The following SPATC1L variants were observed in gnomAD, a reference collection of about 807,000 sequenced individuals.
SPATC1L encodes the protein speriolin-like protein.
A neutral mutation model predicts 21.2 loss-of-function variants in SPATC1L; 20 were observed. The ratio of observed to expected loss-of-function variants is 0.94; its 90% confidence interval spans 0.66 to 1.37. SPATC1L has a LOEUF of 1.37. Ranked by LOEUF, SPATC1L falls within the 40% of genes most tolerant of loss-of-function variation. The probability of loss-of-function intolerance (pLI) is 0.00; values close to 1 mark genes in which losing one functional copy is unlikely to be tolerated. For synonymous variants in SPATC1L, 290 were observed against 234.5 expected (o/e 1.24, Z -2.16); for missense variants, 499 against 478.7 (o/e 1.04, Z -0.40).
rs374206278 is a variant in SPATC1L, at chr21:46,182,407, A to G, written c.193+217T>C. On this transcript the variant is annotated intron_variant, in intron 2 of 4. Coordinates refer to ENST00000291672, the MANE Select transcript of SPATC1L (RefSeq NM_001142854.2). ...CCAGTCCACCTGCCAGCGGTTGACC[A>G]CTCCCACTTCGCCAGCGACCGAAGG... Among the ~76,000 whole-genome samples the G allele has an allele frequency of 4.6e-5, 7 of 151,954 alleles. No homozygotes were observed. The East Asian group carries it at 1.2e-3, about 25-fold the overall frequency.
In SPATC1L at chr21:46,182,931, G is replaced by C; in HGVS notation, c.-115C>G. 1 of 1,055,868 alleles carries C rather than the reference G, an allele frequency of 9.5e-7. No individual in the cohort carries two copies. The highest frequency in any genetic ancestry group is 1.3e-6 in the Non-Finnish European group (1 of 759,934). 65.4% of individuals were successfully genotyped at this position (1,055,868 alleles called of 1,614,324 possible). Reference sequence around the variant, plus strand: ...GGCACGGAGTTCCGTAGCCACCACCGCCTTCCACGCCTTGTGATGTCACTG... The same window carrying C: ...GGCACGGAGTTCCGTAGCCACCACCCCCTTCCACGCCTTGTGATGTCACTG... On this transcript the variant is annotated 5_prime_UTR_variant, in exon 2 of 5. Coordinates refer to ENST00000291672, the MANE Select transcript of SPATC1L (RefSeq NM_001142854.2).
intron 2 of SPATC1L, among the ~76,000 whole-genome samples, chr21:46,176,722 G>A (rs1218264639): frequency 6.6e-6 from 1 of 152,142 alleles, no homozygotes; most frequent in East Asian, 1.9e-4. Context: ...ATTTTATAGA[G>A]TCAATGCTGT....
intron 2 of SPATC1L, among the ~76,000 whole-genome samples, chr21:46,168,907 C>A (rs754961575): frequency 4.6e-5 from 7 of 152,206 alleles, no homozygotes; most frequent in African/African-American, 1.7e-4. Context: ...GCACAGCAAG[C>A]GGGCAGGCCT....
At chr21:46,177,988 C>T (rs2079644254) in intron 2 of SPATC1L, among the ~76,000 whole-genome samples, 1 of 152,126 alleles carries the variant, frequency 6.6e-6, no homozygotes, top group Non-Finnish European at 1.5e-5. Flanking sequence ...AATCCCAGTA[C>T]TTTGGGAGGC....
chr21:46,173,359 G>C (rs918693956), intron 2 of SPATC1L, among the ~76,000 whole-genome samples: 1 of 152,070 alleles, frequency 6.6e-6, no homozygotes. Context: ...CAGCCCCGAC[G>C]GCCACACACC....
At chr21:46,168,162 A>G in intron 3 of SPATC1L, 146 bp downstream of exon 3, 1 of 526,038 alleles carries the variant, frequency 1.9e-6, no homozygotes, top group Non-Finnish European at 3.4e-6. Flanking sequence ...ACAGCCTTGG[A>G]CCCCAGCCTC....
intron 2 of SPATC1L, 25 bp downstream of exon 2, chr21:46,182,587 TCATCTACCAGGC>T: frequency 7.0e-7 from 1 of 1,427,094 alleles, no homozygotes; most frequent in Non-Finnish European, 9.1e-7. Flanking sequence ...CGCGACCCCC[TCATCTACCAGGC>T]CATCTGAGCT....
At chr21:46,172,040 GCA>G (rs1364346699) in intron 2 of SPATC1L, among the ~76,000 whole-genome samples, 1 of 97,310 alleles carries the variant, frequency 1.0e-5, no homozygotes, top group African/African-American at 3.3e-5. Flanking sequence ...GCAGGAGTGT[GCA>G]CAGAGCATGA....
At chr21:46,167,110 A>T (rs2079546652) in intron 3 of SPATC1L, among the ~76,000 whole-genome samples, 1 of 152,256 alleles carries the variant, frequency 6.6e-6, no homozygotes. Flanking sequence ...GAAATCAATA[A>T]CAAAAGGAAT....
chr21:46,167,411 C>T (rs1267940539), intron 3 of SPATC1L, among the ~76,000 whole-genome samples: 1 of 151,924 alleles, frequency 6.6e-6, no homozygotes, highest in Non-Finnish European at 1.5e-5. Flanking sequence ...AAACCAAATC[C>T]AAAATTAGAA....
At chr21:46,179,524 T>C (rs533088149) in intron 2 of SPATC1L, among the ~76,000 whole-genome samples, 142 of 152,328 alleles carry the variant, frequency 9.3e-4, no homozygotes, top group African/African-American at 3.1e-3. Context: ...ATTCATTACA[T>C]TGTGGTTCAT....
At chr21:46,181,516 T>C (rs1265679037) in intron 2 of SPATC1L, among the ~76,000 whole-genome samples, 1 of 152,232 alleles carries the variant, frequency 6.6e-6, no homozygotes, top group Non-Finnish European at 1.5e-5. Context: ...GAGCAGGGCC[T>C]GGGGCCTGGC....
chr21:46,167,702 C>T (rs538546670), intron 3 of SPATC1L, among the ~76,000 whole-genome samples: 1 of 152,292 alleles, frequency 6.6e-6, no homozygotes, highest in Admixed American at 6.5e-5. Context: ...GTGGCATACA[C>T]CTGTAGTCCC....
intron 2 of SPATC1L, among the ~76,000 whole-genome samples, chr21:46,169,174 A>T (rs780161621): frequency 9.9e-5 from 15 of 152,238 alleles, no homozygotes; most frequent in South Asian, 4.1e-4. Context: ...TGCCCTATTG[A>T]TGGACAGGGC....
chr21:46,175,835 C>T (rs1356899961), intron 2 of SPATC1L, among the ~76,000 whole-genome samples: 2 of 152,160 alleles, frequency 1.3e-5, no homozygotes, highest in African/African-American at 4.8e-5. Flanking sequence ...GATAACAAAA[C>T]CCGGCAGAGA....
chr21:46,169,095 T>C (rs1159930285), intron 2 of SPATC1L, among the ~76,000 whole-genome samples: 2 of 152,286 alleles, frequency 1.3e-5, no homozygotes, highest in Non-Finnish European at 2.9e-5. Flanking sequence ...CCTGGTTCAT[T>C]TAACTGTTTC....
chr21:46,174,348 A>AC (rs1229934394), intron 2 of SPATC1L, among the ~76,000 whole-genome samples: 1,361 of 79,158 alleles, frequency 0.017, 35 homozygotes, highest in African/African-American at 0.044. Context: ...ACAAAACAAA[A>AC]AAAAAAAAAA....
rs890332029 is a variant in SPATC1L, at chr21:46,161,211, AGCGGCGGGCT to A, written c.*158_*167del. 1 of 529,664 alleles carries A rather than the reference AGCGGCGGGCT, an allele frequency of 1.9e-6. No individual in the cohort carries two copies. Among genetic ancestry groups the A allele is most frequent in the Non-Finnish European group, 3.1e-6 (1 of 321,908 alleles). 32.8% of individuals were successfully genotyped at this position (529,664 alleles called of 1,614,324 possible). On this transcript the variant is annotated 3_prime_UTR_variant, in exon 5 of 5. Transcript: ENST00000291672. ...TGAGAAGCACTCCGCAGGTGCGGGC[AGCGGCGGGCT>A]GCGGTCGGGGCCCAGCACCGGTGGG...
chr21:46,177,508 C>G (rs1365796462), intron 2 of SPATC1L, among the ~76,000 whole-genome samples: 1 of 152,110 alleles, frequency 6.6e-6, no homozygotes, highest in African/African-American at 2.4e-5. Flanking sequence ...AAAAAAGGCT[C>G]AACATCACTG....
Sources: allele counts gnomAD v4.1 joint callset (sites outside exome capture counted in the v4.1 genomes callset), GRCh38; gene constraint gnomAD v4.1.1; transcripts MANE v1.5; gene names NCBI Gene and HGNC (gene_info 2026-07-23, HGNC 2026-07-21).